The following ARHGAP24 variants were observed in gnomAD, a reference collection of about 807,000 sequenced individuals.
ARHGAP24 encodes Rho GTPase activating protein 24, also known as rho GTPase-activating protein 24.
In ARHGAP24, 50 loss-of-function variants were observed where a neutral mutation model predicts 76.4. The ratio of observed to expected loss-of-function variants is 0.65; its 90% CI spans 0.52 to 0.83. The LOEUF (loss-of-function observed/expected upper bound fraction) is 0.83, where lower values mean the gene tolerates loss of function less well. Ranked by LOEUF, ARHGAP24 falls within the 40% of genes least tolerant of loss-of-function variation. The pLI is 0.00. For synonymous variants in ARHGAP24, 345 were observed against 323.3 expected, an observed-to-expected ratio of 1.07 and a Z score of -0.72; for missense variants, 930 against 914.2, an observed-to-expected ratio of 1.02 and a Z score of -0.22.
intron 1 of ARHGAP24, among the ~76,000 whole-genome samples, chr4:85,539,871 T>C (rs972065612): frequency 6.6e-6 from 1 of 151,966 alleles, no homozygotes; most frequent in African/African-American, 2.4e-5. Flanking sequence ...CCTGCCAACA[T>C]TGTGAACCCG....
At chr4:85,556,399 G>T (rs1266894905) in intron 1 of ARHGAP24, among the ~76,000 whole-genome samples, 1 of 152,124 alleles carries the variant, frequency 6.6e-6, no homozygotes. Flanking sequence ...GGTGAAGAGT[G>T]GGGTGTGGGA....
intron 2 of ARHGAP24, among the ~76,000 whole-genome samples, chr4:85,627,018 G>A (rs1176934673): frequency 4.6e-5 from 7 of 152,122 alleles, no homozygotes; most frequent in South Asian, 4.2e-4. Flanking sequence ...CCATTGGTTC[G>A]AATTTCCTCC....
intron 2 of ARHGAP24, among the ~76,000 whole-genome samples, chr4:85,631,632 C>A (rs1721162629): frequency 2.6e-5 from 4 of 152,072 alleles, no homozygotes; most frequent in Admixed American, 1.3e-4. Context: ...AATCATTTTG[C>A]TATAGATTTC....
chr4:85,688,335 TA>T (rs1723506776), intron 2 of ARHGAP24, among the ~76,000 whole-genome samples: 1 of 152,214 alleles, frequency 6.6e-6, no homozygotes, highest in Non-Finnish European at 1.5e-5. Flanking sequence ...TGATAATGAA[TA>T]TTTTTTCATG....
chr4:85,654,519 A>C lies in ARHGAP24; in HGVS notation c.181-67366A>C, dbSNP rs190229407. On this transcript the variant is annotated intron_variant, in intron 2 of 9. Coordinates refer to ENST00000395184, the MANE Select transcript of ARHGAP24 (RefSeq NM_001025616.3). ...TACATATGAGAAATCCATGACCCCA[A>C]TGAAAAGGTCAGTAGTTGTTAGAGA... is the stretch of plus-strand genomic sequence containing the variant. Among the ~76,000 whole-genome samples the C allele has an allele frequency of 3.9e-3, 590 of 152,328 alleles. 2 individuals carry two copies. Among genetic ancestry groups the C allele is most frequent in the Non-Finnish European group, 7.3e-3 (495 of 68,018 alleles).
chr4:85,625,746 T>C (rs1260965618), intron 2 of ARHGAP24, among the ~76,000 whole-genome samples: 1 of 152,342 alleles, frequency 6.6e-6, no homozygotes, highest in Admixed American at 6.5e-5. Context: ...TTTATGAATC[T>C]GGGTGCTCCT....
At position 85,770,069 on chromosome 4, in the gene ARHGAP24, A is replaced by G. The variant is rs563941210; in HGVS notation, c.268+48097A>G. On this transcript the variant is annotated intron_variant, in intron 3 of 9. Coordinates refer to ENST00000395184, the MANE Select transcript of ARHGAP24 (RefSeq NM_001025616.3). ...GCACTGAAGCTTGGGATTGGCCAAT[A>G]GCCCAGCACTGATGGACAATTTATT... 1.4e-4 allele frequency among the ~76,000 whole-genome samples: 22 copies of G among 152,338 alleles called. No homozygotes were observed. In the East Asian group the frequency reaches 4.1e-3, roughly 28 times the overall value.
chr4:85,649,013 GTGTGT>G (rs1423905013), intron 2 of ARHGAP24, among the ~76,000 whole-genome samples: 1 of 11,112 alleles, frequency 9.0e-5, no homozygotes, highest in Non-Finnish European at 2.2e-3. Flanking sequence ...TTGTAAATAT[GTGTGT>G]GTGTGTGTGT....
chr4:85,862,072 G>A (rs1452492005), intron 3 of ARHGAP24, among the ~76,000 whole-genome samples: 1 of 151,828 alleles, frequency 6.6e-6, no homozygotes, highest in East Asian at 1.9e-4. Context: ...TAAGTACCTT[G>A]GGTGCCTTCC....
intron 1 of ARHGAP24, among the ~76,000 whole-genome samples, chr4:85,554,931 C>G (rs1726297966): frequency 6.6e-6 from 1 of 151,950 alleles, no homozygotes; most frequent in Admixed American, 6.6e-5. Context: ...CTGCCCACCT[C>G]AGCCTCCCAA....
chr4:85,657,530 T>G (rs1052326764), intron 2 of ARHGAP24, among the ~76,000 whole-genome samples: 1 of 152,168 alleles, frequency 6.6e-6, no homozygotes, highest in African/African-American at 2.4e-5. Flanking sequence ...CACTTGACTG[T>G]GTTTCTAAAG....
At chr4:85,563,817 T>C (rs866214202) in intron 1 of ARHGAP24, among the ~76,000 whole-genome samples, 7 of 152,196 alleles carry the variant, frequency 4.6e-5, no homozygotes, top group Non-Finnish European at 7.3e-5. Flanking sequence ...TGAGCCAATG[T>C]AGAGAGCTGA....
intron 3 of ARHGAP24, among the ~76,000 whole-genome samples, chr4:85,845,706 G>A (rs1030619272): frequency 5.3e-5 from 8 of 152,148 alleles, no homozygotes; most frequent in South Asian, 4.2e-4. Context: ...AATATATTCT[G>A]ATTATGGATT....
chr4:85,720,648 G>A (rs1181278622), intron 2 of ARHGAP24, among the ~76,000 whole-genome samples: 4 of 152,162 alleles, frequency 2.6e-5, no homozygotes, highest in African/African-American at 9.7e-5. Flanking sequence ...CATAGGCCTG[G>A]ATGAGATAGC....
At chr4:85,663,791 C>G (rs1347177275) in intron 2 of ARHGAP24, among the ~76,000 whole-genome samples, 2 of 151,532 alleles carry the variant, frequency 1.3e-5, no homozygotes, top group Non-Finnish European at 2.9e-5. Context: ...TGGTTTTTGT[C>G]TTTGGTTCTG....
chr4:85,513,233 CA>C (rs1724351484), intron 1 of ARHGAP24, among the ~76,000 whole-genome samples: 1 of 152,164 alleles, frequency 6.6e-6, no homozygotes, highest in Admixed American at 6.5e-5. Context: ...GTACAGTCAC[CA>C]AAGCAGTGGT....
At chr4:85,899,552 T>A (rs1734379082) in intron 3 of ARHGAP24, among the ~76,000 whole-genome samples, 1 of 152,222 alleles carries the variant, frequency 6.6e-6, no homozygotes, top group Non-Finnish European at 1.5e-5. Context: ...AATTCACTGA[T>A]AATGAAGTGA....
chr4:85,874,773 A>G (rs61386675), intron 3 of ARHGAP24, among the ~76,000 whole-genome samples: 6 of 78,498 alleles, frequency 7.6e-5, no homozygotes, highest in African/African-American at 2.6e-4. Flanking sequence ...TAATTTATAT[A>G]TAAAATATAT....
In ARHGAP24 at chr4:85,995,198, A is replaced by G; in HGVS notation, c.1544A>G (p.Lys515Arg). 6.2e-7 allele frequency: 1 copy of G among 1,614,000 alleles called. No individual in the cohort carries two copies. Among genetic ancestry groups the G allele is most frequent in the Non-Finnish European group, 8.5e-7 (1 of 1,180,022 alleles). The change falls in exon 9 of 10, where the codon AAG becomes AGG. Residue 515 changes from lysine to arginine, a missense_variant. Transcript: ENST00000395184. ...PNGYVTLRDN[K>R]QKEQAGELGQ... ...GGCTATGTGACCCTGAGGGATAACAAGCAGAAAGAACAAGCTGGAGAGTTA... is the reference window on the plus strand; with the variant it reads ...GGCTATGTGACCCTGAGGGATAACAGGCAGAAAGAACAAGCTGGAGAGTTA...
Sources: gnomAD v4.1 joint callset for allele counts (sites outside exome capture counted in the v4.1 genomes callset) on GRCh38, gnomAD v4.1.1 for gene constraint, MANE v1.5 for transcripts, NCBI Gene and HGNC (gene_info 2026-07-23, HGNC 2026-07-21) for gene names.